CTNNA3: variants seen among roughly 807,000 people sequenced by gnomAD.
CTNNA3 encodes the protein catenin alpha-3.
A neutral mutation model predicts 95.7 loss-of-function variants in CTNNA3; 76 were observed. The ratio of observed to expected loss-of-function variants is 0.79; its 90% CI spans 0.66 to 0.96. CTNNA3 has a LOEUF of 0.96. CTNNA3 is among the 40% of genes least tolerant of loss of function. The pLI, the probability that CTNNA3 is intolerant of heterozygous loss-of-function variation, is 0.00. For missense variants in CTNNA3, 1,191 were observed against 1,089.8 expected (o/e 1.09, Z -1.31); for synonymous variants, 431 against 374.4 (o/e 1.15, Z -1.74).
chr10:67,599,341 C>T (rs1270597612), intron 3 of CTNNA3, among the ~76,000 whole-genome samples: 1 of 152,066 alleles, frequency 6.6e-6, no homozygotes, highest in Non-Finnish European at 1.5e-5. Flanking sequence ...TCTATGCTGT[C>T]AAGTATATAA....
intron 7 of CTNNA3, among the ~76,000 whole-genome samples, chr10:66,957,341 TA>T (rs1425042692): frequency 6.7e-6 from 1 of 149,232 alleles, no homozygotes; most frequent in African/African-American, 2.5e-5. Flanking sequence ...GAGAGACAAG[TA>T]AAAAATACTT....
chr10:67,453,427 T>C (rs2132969357), intron 5 of CTNNA3, among the ~76,000 whole-genome samples: 1 of 152,304 alleles, frequency 6.6e-6, no homozygotes, highest in South Asian at 2.1e-4. Flanking sequence ...AAATATAAGG[T>C]ACTAACTCTG....
chr10:67,563,640 A>G (rs1248303958), intron 3 of CTNNA3, among the ~76,000 whole-genome samples: 1 of 152,190 alleles, frequency 6.6e-6, no homozygotes, highest in East Asian at 1.9e-4. Context: ...AAATTGACAA[A>G]TGGGATCTAA....
intron 12 of CTNNA3, among the ~76,000 whole-genome samples, chr10:66,326,920 G>C (rs552964633): frequency 1.3e-5 from 2 of 152,096 alleles, no homozygotes; most frequent in African/African-American, 4.8e-5. Flanking sequence ...AGTAGGCAGA[G>C]AGCTTTTCAG....
chr10:66,409,734 G>A (rs547353927), intron 11 of CTNNA3, among the ~76,000 whole-genome samples: 4 of 152,244 alleles, frequency 2.6e-5, no homozygotes, highest in African/African-American at 4.8e-5. Flanking sequence ...AGACAGGATC[G>A]ATAATATTTT....
At chr10:66,374,847 C>T (rs184737794) in intron 12 of CTNNA3, among the ~76,000 whole-genome samples, 1 of 151,878 alleles carries the variant, frequency 6.6e-6, no homozygotes, top group East Asian at 1.9e-4. Flanking sequence ...GAACTCCTGA[C>T]CTCATGATCC....
intron 12 of CTNNA3, among the ~76,000 whole-genome samples, chr10:66,329,080 A>T (rs1035916077): frequency 6.6e-6 from 1 of 150,856 alleles, no homozygotes. Context: ...CCTCTCGAGT[A>T]GCTGGGATTA....
chr10:66,129,946 C>T (rs903683294), intron 13 of CTNNA3, among the ~76,000 whole-genome samples: 12 of 152,140 alleles, frequency 7.9e-5, no homozygotes, highest in African/African-American at 2.9e-4. Flanking sequence ...CTACTGCCTG[C>T]ATGAGGGTAC....
intron 1 of CTNNA3, among the ~76,000 whole-genome samples, chr10:67,659,874 A>AG (rs1200651189): frequency 1.3e-5 from 2 of 152,244 alleles, no homozygotes; most frequent in Non-Finnish European, 2.9e-5. Context: ...AGAATGGCAA[A>AG]GGTAGTAGAA....
At chr10:66,822,865 T>C (rs1842349969) in intron 7 of CTNNA3, among the ~76,000 whole-genome samples, 1 of 152,170 alleles carries the variant, frequency 6.6e-6, no homozygotes. Context: ...TAAGGAACCT[T>C]TACATTTTTT....
intron 1 of CTNNA3, among the ~76,000 whole-genome samples, chr10:67,704,214 T>G (rs1385752505): frequency 1.3e-5 from 2 of 152,160 alleles, no homozygotes; most frequent in Non-Finnish European, 2.9e-5. Context: ...AGGTAATTTA[T>G]AGATTCAATG....
intron 5 of CTNNA3, among the ~76,000 whole-genome samples, chr10:67,495,580 T>C (rs1329001735): frequency 2.6e-5 from 4 of 152,180 alleles, no homozygotes; most frequent in Non-Finnish European, 5.9e-5. Context: ...TCTAAGTTTA[T>C]TCTATTCCTA....
intron 7 of CTNNA3, among the ~76,000 whole-genome samples, chr10:67,046,870 C>T (rs1854785999): frequency 6.6e-6 from 1 of 151,982 alleles, no homozygotes; most frequent in Admixed American, 6.5e-5. Flanking sequence ...ATTAAGGGTC[C>T]AAAGAAAATT....
At chr10:66,879,611 A>G (rs1844766424) in intron 7 of CTNNA3, among the ~76,000 whole-genome samples, 1 of 152,078 alleles carries the variant, frequency 6.6e-6, no homozygotes, top group Non-Finnish European at 1.5e-5. Flanking sequence ...TAAGACAAAT[A>G]CCCATGAAGA....
chr10:67,074,342 CTTTTTTTT>C (rs36186252), intron 7 of CTNNA3, among the ~76,000 whole-genome samples: 1 of 68,726 alleles, frequency 1.5e-5, no homozygotes, highest in Non-Finnish European at 2.5e-5. Flanking sequence ...CACTTTAACT[CTTTTTTTT>C]TTTTTTTTTT....
chr10:67,546,911 CT>C (rs1840861821), intron 3 of CTNNA3, among the ~76,000 whole-genome samples: 1 of 152,088 alleles, frequency 6.6e-6, no homozygotes, highest in African/African-American at 2.4e-5. Flanking sequence ...GATATCTTTG[CT>C]TTTTTGACAT....
chr10:67,101,850 A>T (rs1475098919), intron 7 of CTNNA3, among the ~76,000 whole-genome samples: 1 of 151,852 alleles, frequency 6.6e-6, no homozygotes, highest in Non-Finnish European at 1.5e-5. Flanking sequence ...CTCAAACTAA[A>T]CACTCAAAAT....
chr10:67,328,334 G>T (rs572301182), intron 5 of CTNNA3, among the ~76,000 whole-genome samples: 36 of 152,290 alleles, frequency 2.4e-4, no homozygotes, highest in Non-Finnish European at 4.9e-4. Context: ...GTGTAGCCAG[G>T]CTGGGGCTCT....
chr10:67,720,919 A>T (rs1262966467), intron 1 of CTNNA3, among the ~76,000 whole-genome samples: 1 of 152,162 alleles, frequency 6.6e-6, no homozygotes, highest in Non-Finnish European at 1.5e-5. Context: ...ATGCCACTGC[A>T]ATCCAGCCTG....
Sources: gnomAD v4.1 joint callset for allele counts (sites outside exome capture counted in the v4.1 genomes callset) on GRCh38, gnomAD v4.1.1 for gene constraint, MANE v1.5 for transcripts, NCBI Gene and HGNC (gene_info 2026-07-23, HGNC 2026-07-21) for gene names.